CDH8: variants seen among roughly 807,000 people sequenced by gnomAD.
The protein encoded by CDH8 is cadherin-8.
CDH8 carries 17 observed loss-of-function variants against 68.1 expected under a neutral mutation model. The ratio of observed to expected loss-of-function variants is 0.25; its 90% CI spans 0.17 to 0.37. CDH8 has a LOEUF of 0.37. Ranked by LOEUF, CDH8 falls within the 10% of genes least tolerant of loss-of-function variation. The pLI is 1.00. For missense variants in CDH8, 763 were observed against 999.3 expected (o/e 0.76, Z 3.19); for synonymous variants, 372 against 365.1 (o/e 1.02, Z -0.21).
At chr16:62,004,789 A>G (rs942889571) in intron 2 of CDH8, among the ~76,000 whole-genome samples, 1 of 152,240 alleles carries the variant, frequency 6.6e-6, no homozygotes, top group African/African-American at 2.4e-5. Flanking sequence ...ATCTGCATTC[A>G]GTCAATCAGT....
intron 5 of CDH8, among the ~76,000 whole-genome samples, chr16:61,823,183 A>C (rs930899290): frequency 1.3e-5 from 2 of 151,796 alleles, no homozygotes; most frequent in Admixed American, 6.6e-5. Context: ...ATGAAAATGC[A>C]TCTCCTCTAT....
chr16:61,859,541 C>T (rs1362695227), intron 3 of CDH8, among the ~76,000 whole-genome samples: 1 of 152,080 alleles, frequency 6.6e-6, no homozygotes, highest in Middle Eastern at 3.2e-3. Context: ...TCTGTTAGGG[C>T]CTCCGGATTT....
At chr16:62,019,593 T>A (rs1026312656) in intron 2 of CDH8, among the ~76,000 whole-genome samples, 1 of 152,080 alleles carries the variant, frequency 6.6e-6, no homozygotes, top group Admixed American at 6.6e-5. Context: ...TCAACCACAT[T>A]AACATTTTTT....
intron 7 of CDH8, among the ~76,000 whole-genome samples, chr16:61,811,297 C>T (rs570094136): frequency 3.6e-4 from 55 of 152,074 alleles, no homozygotes; most frequent in Non-Finnish European, 5.9e-4. Context: ...TAGTTGAATT[C>T]GCAGGTATAG....
At chr16:61,963,791 T>C (rs1209943441) in intron 2 of CDH8, among the ~76,000 whole-genome samples, 1 of 152,238 alleles carries the variant, frequency 6.6e-6, no homozygotes, top group African/African-American at 2.4e-5. Context: ...TTTTTGTTAA[T>C]ATTTTCATTA....
intron 3 of CDH8, among the ~76,000 whole-genome samples, chr16:61,873,830 T>C (rs1183875384): frequency 6.6e-6 from 1 of 152,086 alleles, no homozygotes. Flanking sequence ...CCAAGGCAGG[T>C]GGATCACCTG....
intron 2 of CDH8, among the ~76,000 whole-genome samples, chr16:61,932,064 G>A (rs1414603189): frequency 6.6e-6 from 1 of 151,856 alleles, no homozygotes; most frequent in African/African-American, 2.4e-5. Context: ...AAAATTAGCC[G>A]GGCGTGGTGG....
chr16:61,653,476 T>C lies in CDH8; in HGVS notation c.*132A>G, dbSNP rs535497161. ...ATCTTTTTTTGGTTCAACATTAAAA[T>C]GTGGTTGAGTTTATAGATGACTGGT... On this transcript the variant is annotated 3_prime_UTR_variant, in exon 12 of 12. Coordinates refer to ENST00000577390, the MANE Select transcript of CDH8 (RefSeq NM_001796.5). 1.4e-5 allele frequency: 20 copies of C among 1,465,158 alleles called. No homozygotes were observed. The African/African-American group carries it at 2.0e-4, about 15-fold the overall frequency. 90.8% of individuals were successfully genotyped at this position (1,465,158 alleles called of 1,614,324 possible). A position where few individuals can be genotyped will look rare whatever the true frequency, so the allele number is the denominator to read the frequency against.
chr16:61,830,696 A>G (rs1962436923), intron 4 of CDH8, among the ~76,000 whole-genome samples: 1 of 151,786 alleles, frequency 6.6e-6, no homozygotes, highest in Non-Finnish European at 1.5e-5. Flanking sequence ...TTAACCTTCC[A>G]TTACACCGGT....
intron 8 of CDH8, among the ~76,000 whole-genome samples, chr16:61,789,009 A>G (rs989735164): frequency 3.9e-5 from 6 of 151,918 alleles, no homozygotes; most frequent in African/African-American, 1.5e-4. Context: ...TGTGTGTCCA[A>G]TTATTTAAAT....
intron 3 of CDH8, among the ~76,000 whole-genome samples, chr16:61,872,726 G>A (rs540416731): frequency 6.6e-6 from 1 of 152,266 alleles, no homozygotes; most frequent in Admixed American, 6.5e-5. Context: ...GGTTAACTTT[G>A]GAATGCCCTT....
At chr16:61,807,224 A>G (rs1961808024) in intron 7 of CDH8, among the ~76,000 whole-genome samples, 1 of 151,070 alleles carries the variant, frequency 6.6e-6, no homozygotes, top group Admixed American at 6.6e-5. Flanking sequence ...TCACAAGAAC[A>G]AAAAACCAAA....
intron 2 of CDH8, among the ~76,000 whole-genome samples, chr16:61,952,172 C>A (rs570710589): frequency 6.6e-6 from 1 of 152,140 alleles, no homozygotes; most frequent in East Asian, 1.9e-4. Flanking sequence ...AAATAATGAG[C>A]AAAATAAACT....
chr16:61,816,050 G>A (rs1962065756), intron 7 of CDH8, among the ~76,000 whole-genome samples: 1 of 151,812 alleles, frequency 6.6e-6, no homozygotes, highest in Non-Finnish European at 1.5e-5. Context: ...TTTTGCATAT[G>A]TCTATAGTTT....
intron 4 of CDH8, among the ~76,000 whole-genome samples, chr16:61,850,639 C>A (rs1487318564): frequency 6.6e-6 from 1 of 151,958 alleles, no homozygotes; most frequent in African/African-American, 2.4e-5. Context: ...CAATATCACC[C>A]TGATCACCAA....
chr16:61,650,991 C>T lies in CDH8; in HGVS notation c.*2617G>A, dbSNP rs1963310476. On this transcript the variant is annotated 3_prime_UTR_variant, in exon 12 of 12. Coordinates refer to ENST00000577390, the MANE Select transcript of CDH8 (RefSeq NM_001796.5). ...GCAACTAGTAGAGCAGACATTATCT[C>T]CTGCTCACAGAAACCACTGTACGAA... The T allele has an allele frequency of 6.6e-6, 1 of 152,050 alleles. No homozygotes were observed. Among genetic ancestry groups the T allele is most frequent in the South Asian group, 2.1e-4 (1 of 4,830 alleles). The allele number at this position is 152,050 out of a possible 1,614,324, so 9.4% of individuals were successfully genotyped here. A position where few individuals can be genotyped will look rare whatever the true frequency, so the allele number is the denominator to read the frequency against.
At chr16:61,920,162 C>A (rs1377485570) in intron 2 of CDH8, among the ~76,000 whole-genome samples, 6 of 142,498 alleles carry the variant, frequency 4.2e-5, no homozygotes. Flanking sequence ...AGAAGAAAAC[C>A]TAGGCATTAC....
intron 8 of CDH8, among the ~76,000 whole-genome samples, chr16:61,735,693 GA>G (rs1959659269): frequency 6.6e-6 from 1 of 152,054 alleles, no homozygotes; most frequent in South Asian, 2.1e-4. Flanking sequence ...ACAGAAAGAA[GA>G]AACACTTTTC....
intron 10 of CDH8, among the ~76,000 whole-genome samples, chr16:61,704,560 C>T (rs1964495402): frequency 6.6e-6 from 1 of 152,136 alleles, no homozygotes. Flanking sequence ...TGAGAAAGTA[C>T]ATAAAGTACC....
Sources: allele counts gnomAD v4.1 joint callset (sites outside exome capture counted in the v4.1 genomes callset), GRCh38; gene constraint gnomAD v4.1.1; transcripts MANE v1.5; gene names NCBI Gene and HGNC (gene_info 2026-07-23, HGNC 2026-07-21).